The following NUDCD3 variants were observed in gnomAD, a reference collection of about 807,000 sequenced individuals.
NUDCD3 encodes NudC domain containing 3, also known as nudC domain-containing protein 3.
NUDCD3 carries 13 observed loss-of-function variants against 39.7 expected under a neutral mutation model. The ratio of observed to expected loss-of-function variants is 0.33; its 90% CI spans 0.21 to 0.52. NUDCD3 has a LOEUF of 0.52. Ranked by LOEUF, NUDCD3 falls within the 20% of genes least tolerant of loss-of-function variation. The pLI is 0.96. For synonymous variants in NUDCD3, 175 were observed against 172.4 expected (o/e 1.02, Z -0.12); for missense variants, 453 against 458.1 (o/e 0.99, Z 0.10).
chr7:44,414,901 C>A (rs1254555567), intron 3 of NUDCD3, among the ~76,000 whole-genome samples: 1 of 152,144 alleles, frequency 6.6e-6, no homozygotes, highest in African/African-American at 2.4e-5. Context: ...ATAAATGACA[C>A]ACCTAGTGGC....
chr7:44,440,495 T>TTAAAAAAAA (rs1799557392), intron 2 of NUDCD3, among the ~76,000 whole-genome samples: 1 of 46,608 alleles, frequency 2.1e-5, no homozygotes, highest in African/African-American at 8.2e-5. Flanking sequence ...CCAGAAAAAT[T>TTAAAAAAAA]GAAAAAAAAA....
At chr7:44,460,247 T>C (rs2116947965) in intron 2 of NUDCD3, among the ~76,000 whole-genome samples, 1 of 152,120 alleles carries the variant, frequency 6.6e-6, no homozygotes, top group Non-Finnish European at 1.5e-5. Flanking sequence ...GTAAGTGGAG[T>C]TAATGAGTTA....
intron 2 of NUDCD3, among the ~76,000 whole-genome samples, chr7:44,460,812 T>C (rs554066700): frequency 6.6e-6 from 1 of 152,310 alleles, no homozygotes; most frequent in Non-Finnish European, 1.5e-5. Flanking sequence ...CTATACTAAA[T>C]TTCACAAATA....
At chr7:44,449,201 C>G (rs969732719) in intron 2 of NUDCD3, among the ~76,000 whole-genome samples, 7 of 152,098 alleles carry the variant, frequency 4.6e-5, no homozygotes, top group African/African-American at 1.4e-4. Context: ...GGAAACAAGA[C>G]GAGCCTAAGA....
intron 3 of NUDCD3, among the ~76,000 whole-genome samples, chr7:44,406,653 G>C (rs546651748): frequency 6.6e-6 from 1 of 152,308 alleles, no homozygotes; most frequent in South Asian, 2.1e-4. Context: ...GAGAAAACCA[G>C]ACAAGAAATG....
intron 2 of NUDCD3, among the ~76,000 whole-genome samples, chr7:44,474,199 A>T (rs1271654439): frequency 6.6e-6 from 1 of 151,210 alleles, no homozygotes; most frequent in Admixed American, 6.6e-5. Context: ...AAAAAAAACC[A>T]AGCTAGCATA....
intron 2 of NUDCD3, among the ~76,000 whole-genome samples, chr7:44,480,870 A>C (rs1008683477): frequency 2.0e-5 from 3 of 149,320 alleles, no homozygotes; most frequent in African/African-American, 7.4e-5. Flanking sequence ...TGAGCTCAGA[A>C]GGCAGAGGCT....
At chr7:44,386,195 T>C in intron 5 of NUDCD3, 74 bp from the exon 6 acceptor site, 1 of 1,520,796 alleles carries the variant, frequency 6.6e-7, no homozygotes. Context: ...AGACTCTGAC[T>C]GCAGGTAGAG....
intron 2 of NUDCD3, among the ~76,000 whole-genome samples, chr7:44,457,323 G>C (rs1449546258): frequency 6.6e-6 from 1 of 152,022 alleles, no homozygotes; most frequent in Non-Finnish European, 1.5e-5. Context: ...TCTAGCCAGG[G>C]GAGTTAAGCA....
chr7:44,427,768 C>G, intron 2 of NUDCD3, 65 bp from the exon 3 acceptor site: 3 of 1,545,762 alleles, frequency 1.9e-6, no homozygotes, highest in Non-Finnish European at 2.6e-6. Flanking sequence ...CATGGGCAGC[C>G]TAGCCCATGC....
At chr7:44,475,350 A>G (rs1209670873) in intron 2 of NUDCD3, among the ~76,000 whole-genome samples, 1 of 152,168 alleles carries the variant, frequency 6.6e-6, no homozygotes, top group Non-Finnish European at 1.5e-5. Context: ...ATTCAAAATC[A>G]GCAAAAGGCA....
At chr7:44,479,203 G>A (rs1014315720) in intron 2 of NUDCD3, among the ~76,000 whole-genome samples, 3 of 152,172 alleles carry the variant, frequency 2.0e-5, no homozygotes, top group Non-Finnish European at 4.4e-5. Context: ...AATTCAAGAT[G>A]AGATTTGGGT....
At chr7:44,434,212 T>C (rs1799423849) in intron 2 of NUDCD3, among the ~76,000 whole-genome samples, 1 of 152,182 alleles carries the variant, frequency 6.6e-6, no homozygotes, top group Admixed American at 6.5e-5. Context: ...TGCTCAAAAA[T>C]GACTCGATGC....
intron 4 of NUDCD3, among the ~76,000 whole-genome samples, chr7:44,404,152 T>G (rs1200959716): frequency 6.6e-6 from 1 of 152,316 alleles, no homozygotes; most frequent in Non-Finnish European, 1.5e-5. Flanking sequence ...CAGAGTAGCA[T>G]CTGTAAAAAT....
chr7:44,489,536 T>C (rs1800687676), intron 1 of NUDCD3, among the ~76,000 whole-genome samples: 1 of 152,216 alleles, frequency 6.6e-6, no homozygotes, highest in Non-Finnish European at 1.5e-5. Flanking sequence ...ATTTCTATCT[T>C]CTTGGGTTTC....
At chr7:44,397,629 T>C (rs1798648145) in intron 4 of NUDCD3, among the ~76,000 whole-genome samples, 1 of 152,176 alleles carries the variant, frequency 6.6e-6, no homozygotes, top group Admixed American at 6.5e-5. Context: ...TTGTAAAGAA[T>C]TTTAAGCTTA....
rs35904938 is a variant in NUDCD3 at position 44,437,069 on chromosome 7, C to CTT, written c.510-9368_510-9367dup. Among the ~76,000 whole-genome samples the CTT allele has an allele frequency of 1.7e-3, 194 of 117,270 alleles. 1 individual carries two copies. The highest frequency in any genetic ancestry group is 0.01 in the Middle Eastern group (2 of 198). 76.9% of individuals were successfully genotyped at this position (117,270 alleles called of 152,430 possible). ...TTATTACCCCTTTTTCTTTTCTTTT[C>CTT]TTTTTTTTTTTTTTTTTTGAGACGG... On this transcript the variant is annotated intron_variant, in intron 2 of 5. Transcript: ENST00000355451.
chr7:44,425,986 C>T (rs770595122), intron 3 of NUDCD3: 1 of 257,060 alleles, frequency 3.9e-6, no homozygotes, highest in Non-Finnish European at 6.1e-6. Flanking sequence ...CATGGTGTGG[C>T]TCCAGTGGCG....
intron 2 of NUDCD3, among the ~76,000 whole-genome samples, chr7:44,464,087 G>A (rs1800072375): frequency 2.0e-5 from 3 of 151,754 alleles, no homozygotes; most frequent in Admixed American, 6.6e-5. Flanking sequence ...GGTGGTGCAC[G>A]CCTGTAGTCC....
Sources: allele counts gnomAD v4.1 joint callset (sites outside exome capture counted in the v4.1 genomes callset), GRCh38; gene constraint gnomAD v4.1.1; transcripts MANE v1.5; gene names NCBI Gene and HGNC (gene_info 2026-07-23, HGNC 2026-07-21).